The following SCOC variants were observed in gnomAD, a reference collection of about 807,000 sequenced individuals.
The protein encoded by SCOC is short coiled coil protein.
Under a neutral mutation model 9.9 loss-of-function variants are expected in SCOC, and 7 were observed. The ratio of observed to expected loss-of-function variants is 0.71; its 90% CI spans 0.40 to 1.33. SCOC has a LOEUF of 1.33. Ranked by LOEUF, SCOC falls within the 40% of genes most tolerant of loss-of-function variation. The pLI is 0.01. For missense variants in SCOC, 66 were observed against 89.7 expected (o/e 0.74, Z 1.07); for synonymous variants, 19 against 28.2 (o/e 0.67, Z 1.03).
chr4:140,262,888 A>G (rs1730662344), intron 1 of SCOC, among the ~76,000 whole-genome samples: 1 of 152,038 alleles, frequency 6.6e-6, no homozygotes, highest in South Asian at 2.1e-4. Context: ...TGAGACTTCT[A>G]TCAGGAAACA....
At chr4:140,287,742 A>G (rs1731337957) in intron 1 of SCOC, among the ~76,000 whole-genome samples, 2 of 152,082 alleles carry the variant, frequency 1.3e-5, no homozygotes, top group Non-Finnish European at 2.9e-5. Context: ...CACCATATGT[A>G]CACCACAAAC....
intron 2 of SCOC, among the ~76,000 whole-genome samples, chr4:140,363,062 A>C (rs1174396290): frequency 2.0e-5 from 3 of 152,200 alleles, no homozygotes; most frequent in Admixed American, 2.0e-4. Context: ...CATAAAAGCC[A>C]AAGATTCCCC....
chr4:140,335,175 A>G (rs1179812831), intron 1 of SCOC, among the ~76,000 whole-genome samples: 1 of 152,096 alleles, frequency 6.6e-6, no homozygotes, highest in East Asian at 1.9e-4. Flanking sequence ...TATTAATCAG[A>G]TTGTGTATTT....
intron 2 of SCOC, among the ~76,000 whole-genome samples, chr4:140,344,443 G>T (rs1355737840): frequency 6.6e-6 from 1 of 152,116 alleles, no homozygotes; most frequent in Admixed American, 6.6e-5. Context: ...GATTAACAGA[G>T]AGCAAGAGCA....
At chr4:140,375,939 G>C (rs1728325396) in intron 1 of SCOC, among the ~76,000 whole-genome samples, 1 of 152,146 alleles carries the variant, frequency 6.6e-6, no homozygotes, top group South Asian at 2.1e-4. Context: ...TCCCACGCTT[G>C]AGCAGACTTG....
chr4:140,265,182 T>G (rs1335490995), intron 1 of SCOC, among the ~76,000 whole-genome samples: 1 of 152,146 alleles, frequency 6.6e-6, no homozygotes, highest in Non-Finnish European at 1.5e-5. Context: ...ACAGTTGTTT[T>G]AAAAAGGAGG....
intron 1 of SCOC, among the ~76,000 whole-genome samples, chr4:140,305,753 C>T (rs549215875): frequency 7.2e-5 from 11 of 152,174 alleles, no homozygotes; most frequent in South Asian, 4.1e-4. Context: ...TCACGAATCA[C>T]GGATGCCAGC....
intron 1 of SCOC, among the ~76,000 whole-genome samples, chr4:140,320,261 G>A (rs997933869): frequency 2.0e-5 from 3 of 152,150 alleles, no homozygotes; most frequent in Non-Finnish European, 4.4e-5. Context: ...CAAATGCCAT[G>A]ACAACCTCAG....
At chr4:140,373,522 T>G (rs1728154914), upstream of SCOC, 1 of 1,551,502 alleles carries the variant, frequency 6.4e-7, no homozygotes, top group African/African-American at 1.4e-5. Context: ...ACGACTGGGG[T>G]GAGGCGGGCA....
intron 1 of SCOC, among the ~76,000 whole-genome samples, chr4:140,269,826 C>CT (rs1230006002): frequency 6.6e-6 from 1 of 152,082 alleles, no homozygotes; most frequent in African/African-American, 2.4e-5. Flanking sequence ...TCATAACTCA[C>CT]TGTAACCTTA....
At chr4:140,376,145 T>C (rs1578884878) in intron 1 of SCOC, among the ~76,000 whole-genome samples, 1 of 152,216 alleles carries the variant, frequency 6.6e-6, no homozygotes, top group African/African-American at 2.4e-5. Flanking sequence ...ACTGTGTTAA[T>C]GTAGACTTTG....
chr4:140,323,438 T>G (rs1732557461), intron 1 of SCOC, among the ~76,000 whole-genome samples: 1 of 152,184 alleles, frequency 6.6e-6, no homozygotes, highest in Non-Finnish European at 1.5e-5. Flanking sequence ...GCAATTCAAA[T>G]GGACTAATAC....
chr4:140,342,341 AT>A (rs200515815), upstream of SCOC, among the ~76,000 whole-genome samples: 880 of 152,120 alleles, frequency 5.8e-3, 3 homozygotes, highest in Middle Eastern at 0.01. Flanking sequence ...AGCTGCATAT[AT>A]TTTTTTCCCT....
At chr4:140,369,835 C>G (rs2126577112), upstream of SCOC, among the ~76,000 whole-genome samples, 1 of 135,798 alleles carries the variant, frequency 7.4e-6, no homozygotes, top group African/African-American at 2.7e-5. Flanking sequence ...GTACTTATAG[C>G]CTTTCCTTAT....
At position 140,381,481 on chromosome 4, in the gene SCOC, T is replaced by A. The variant is rs1728571523; in HGVS notation, c.*377T>A. On this transcript the variant is annotated 3_prime_UTR_variant, in exon 4 of 4. Coordinates refer to ENST00000608372, the MANE Select transcript of SCOC (RefSeq NM_001153484.2). Reference sequence around the variant, plus strand: ...ATCATGTACTAAATGCACAGCTTTATGTACCCTGTCCACCATCTTGTGCCT... The same window carrying A: ...ATCATGTACTAAATGCACAGCTTTAAGTACCCTGTCCACCATCTTGTGCCT... 6.4e-6 allele frequency: 1 copy of A among 155,882 alleles called. No homozygotes were observed. Among genetic ancestry groups the A allele is most frequent in the Non-Finnish European group, 1.4e-5 (1 of 70,256 alleles). 9.7% of individuals were successfully genotyped at this position (155,882 alleles called of 1,614,324 possible).
intron 2 of SCOC, 112 bp downstream of exon 2, chr4:140,379,304 AT>A: frequency 2.5e-6 from 2 of 811,428 alleles, no homozygotes; most frequent in Non-Finnish European, 4.2e-6. Context: ...ATCTTGGCTA[AT>A]TACTTATTTA....
intron 1 of SCOC, among the ~76,000 whole-genome samples, chr4:140,289,681 G>A (rs1731411354): frequency 6.6e-6 from 1 of 152,146 alleles, no homozygotes; most frequent in African/African-American, 2.4e-5. Flanking sequence ...AAGAACTAGT[G>A]CCAACAGGTT....
rs762708650 is a variant in SCOC at position 140,293,310 on chromosome 4, G to A, written c.-19+35900G>A. On this transcript the variant is annotated intron_variant, in intron 1 of 4. Transcript: ENST00000394205. The stretch of plus-strand genomic sequence containing the variant: ...CAGGGAGGGTCTGAGTAACCCAGTC[G>A]CAAAGGCTTATCTTTACTGCCTGTT... 214 of 456,742 alleles carry A rather than the reference G, an allele frequency of 4.7e-4. 1 individual carries two copies. Among genetic ancestry groups the A allele is most frequent in the Non-Finnish European group, 5.3e-4 (121 of 226,986 alleles). The allele number at this position is 456,742 out of a possible 1,614,324, so 28.3% of individuals were successfully genotyped here.
At chr4:140,372,776 T>G (rs917106740), upstream of SCOC, among the ~76,000 whole-genome samples, 1 of 152,210 alleles carries the variant, frequency 6.6e-6, no homozygotes, top group Non-Finnish European at 1.5e-5. Context: ...GCCAAAATAA[T>G]AATGTATTGC....
Sources: allele counts gnomAD v4.1 joint callset (sites outside exome capture counted in the v4.1 genomes callset), GRCh38; gene constraint gnomAD v4.1.1; transcripts MANE v1.5; gene names NCBI Gene and HGNC (gene_info 2026-07-23, HGNC 2026-07-21).